Variants in CCDC110 observed in about 807,000 individuals in gnomAD.
CCDC110 encodes coiled-coil domain-containing protein 110.
A neutral mutation model predicts 77.1 loss-of-function variants in CCDC110; 70 were observed. The observed-to-expected ratio is 0.91, with a 90% confidence interval of 0.75 to 1.11. The LOEUF (loss-of-function observed/expected upper bound fraction) is 1.11. Ranked by LOEUF, CCDC110 falls within the 50% of genes least tolerant of loss-of-function variation. The pLI, the probability that CCDC110 is intolerant of heterozygous loss-of-function variation, is 0.00. For synonymous variants in CCDC110, 295 were observed against 312.5 expected, an observed-to-expected ratio of 0.94 and a Z score of 0.59; for missense variants, 868 against 942.9, an observed-to-expected ratio of 0.92 and a Z score of 1.04.
chr4:185,463,762 C>T (rs2095650568), intron 2 of CCDC110, among the ~76,000 whole-genome samples: 1 of 152,142 alleles, frequency 6.6e-6, no homozygotes, highest in Non-Finnish European at 1.5e-5. Flanking sequence ...CTACTCTGTC[C>T]CCTGCTAGAT....
intron 6 of CCDC110, among the ~76,000 whole-genome samples, chr4:185,455,489 T>G (rs1207292663): frequency 5.3e-5 from 8 of 152,196 alleles, no homozygotes; most frequent in Non-Finnish European, 1.0e-4. Flanking sequence ...TCAGAGACTT[T>G]AGAACAAGGA....
intron 1 of CCDC110, 39 bp downstream of exon 1, chr4:185,471,635 C>A: frequency 6.4e-7 from 1 of 1,552,054 alleles, no homozygotes; most frequent in East Asian, 2.6e-5. Flanking sequence ...CCTCCGTTCC[C>A]GCGGCTCCCC....
intron 6 of CCDC110, among the ~76,000 whole-genome samples, chr4:185,451,507 C>T (rs1462756401): frequency 6.6e-6 from 1 of 152,140 alleles, no homozygotes; most frequent in Non-Finnish European, 1.5e-5. Flanking sequence ...ATGCCTGCTT[C>T]ATAACTAACA....
rs1222829345 is a variant in CCDC110 at position 185,458,273 on chromosome 4, A to T, written c.2314T>A (p.Leu772Ile). ...FEMRHLQREY[L>I]SLSDKICNQH... ...TTACAAATTTTATCACTTAAACTTA[A>T]ATATTCTCGTTGAAGATGCCGCATC... Residue 772 changes from leucine to isoleucine, a missense_variant, in exon 6 of 7, where the codon TTA becomes ATA. Physicochemically the swap from Leu to Ile is conservative, Grantham distance 5 (BLOSUM62 2). Coordinates refer to ENST00000307588, the MANE Select transcript of CCDC110 (RefSeq NM_152775.4). The T allele has an allele frequency of 6.3e-7, 1 of 1,599,738 alleles. No individual in the cohort carries two copies. Among genetic ancestry groups the T allele is most frequent in the Non-Finnish European group, 8.5e-7 (1 of 1,176,436 alleles).
Position 185,463,290 on chromosome 4 carries a change from C to T in CCDC110, c.116-241G>A, listed in dbSNP as rs73012184. ...AGTACACCGTTAATTTGCAACACCA[C>T]ACTTAGAACTCTCAAAAACTCAAAT... On this transcript the variant is annotated intron_variant, in intron 2 of 6. Coordinates refer to ENST00000307588, the MANE Select transcript of CCDC110 (RefSeq NM_152775.4). Among the ~76,000 whole-genome samples, 199 of 152,290 alleles carry T rather than the reference C, an allele frequency of 1.3e-3. 1 individual carries two copies. The highest frequency in any genetic ancestry group is 4.7e-3 in the African/African-American group (196 of 41,564).
At position 185,460,859 on chromosome 4, in the gene CCDC110, A is replaced by G. The variant is rs898520207; in HGVS notation, c.348+190T>C. ...TGTCCCTCACAGACTCTTAAGAGAA[A>G]TGGGAAAACTGCAAAAGTACAGAGG... is the stretch of plus-strand genomic sequence containing the variant. On this transcript the variant is annotated intron_variant, in intron 5 of 6. Transcript: ENST00000307588. 7 of 525,018 alleles carry G rather than the reference A, an allele frequency of 1.3e-5. No individual in the cohort carries two copies. The Admixed American group carries it at 1.9e-4, about 14-fold the overall frequency. The allele number at this position is 525,018 out of a possible 1,614,324, so 32.5% of individuals were successfully genotyped here.
At chr4:185,455,077 TG>T (rs1313281662) in intron 6 of CCDC110, among the ~76,000 whole-genome samples, 1 of 152,210 alleles carries the variant, frequency 6.6e-6, no homozygotes, top group Non-Finnish European at 1.5e-5. Context: ...ATTCCAGGCA[TG>T]GTTCTGGACA....
At chr4:185,446,257 G>A (rs2095610902) in intron 6 of CCDC110, among the ~76,000 whole-genome samples, 1 of 152,142 alleles carries the variant, frequency 6.6e-6, no homozygotes, top group African/African-American at 2.4e-5. Flanking sequence ...AAATACCAGT[G>A]CTATGTGTTA....
intron 2 of CCDC110, chr4:185,470,548 AGT>A: frequency 7.4e-6 from 3 of 405,536 alleles, no homozygotes; most frequent in South Asian, 5.4e-5. Context: ...ATATCGTTTT[AGT>A]GTGTGTCCAA....
intron 6 of CCDC110, among the ~76,000 whole-genome samples, chr4:185,452,000 G>A (rs2095629911): frequency 6.6e-6 from 1 of 152,174 alleles, no homozygotes; most frequent in South Asian, 2.1e-4. Flanking sequence ...AACCAGTAAT[G>A]GGAATAGTGA....
In CCDC110 at chr4:185,459,169, A is replaced by G. The variant is rs768400029; in HGVS notation, c.1418T>C (p.Val473Ala). Residue 473 changes from valine (V) to alanine (A), a missense_variant, in exon 6 of 7, where the codon GTT becomes GCT. Physicochemically the swap from Val to Ala is moderately conservative, Grantham distance 64. Transcript: ENST00000307588. ...CTTAAGTTGCTTTTCATATGTTTCAACTTTCTGTATGAGAGATTGTGTGGT... is the reference window on the plus strand; with the variant it reads ...CTTAAGTTGCTTTTCATATGTTTCAGCTTTCTGTATGAGAGATTGTGTGGT... Reference protein sequence around the residue: ...IFTTQSLIQKVETYEKQLKNL... With the variant: ...IFTTQSLIQKAETYEKQLKNL... The G allele has an allele frequency of 4.4e-6, 7 of 1,600,384 alleles. 1 individual carries two copies. In the South Asian group the frequency reaches 4.6e-5, roughly 10 times the overall value.
At chr4:185,471,522 G>GC (rs1221826616) in intron 1 of CCDC110, 152 bp downstream of exon 1, 1 of 866,492 alleles carries the variant, frequency 1.2e-6, no homozygotes, top group Admixed American at 2.5e-5. Context: ...CGGGTGCTCA[G>GC]CCCTAGGGCC....
intron 2 of CCDC110, chr4:185,470,526 A>AG: frequency 1.1e-5 from 4 of 366,708 alleles, no homozygotes; most frequent in South Asian, 7.9e-5. Flanking sequence ...CCAGATACCG[A>AG]GGGCTGACTG....
At chr4:185,451,211 A>G (rs762006570) in intron 6 of CCDC110, among the ~76,000 whole-genome samples, 9 of 147,648 alleles carry the variant, frequency 6.1e-5, no homozygotes, top group East Asian at 4.3e-4. Flanking sequence ...CTGTGAGTCC[A>G]TTAAACCTCT....
At chr4:185,456,043 C>T (rs1162227773) in intron 6 of CCDC110, among the ~76,000 whole-genome samples, 1 of 152,114 alleles carries the variant, frequency 6.6e-6, no homozygotes, top group East Asian at 1.9e-4. Flanking sequence ...ACCTGTCAAC[C>T]ACGTTTACTC....
chr4:185,458,863 T>G lies in CCDC110; in HGVS notation c.1724A>C (p.Lys575Thr). ...NRMSIEMEAM[K>T]TNILLIQDEK... ...ATCTTGTATCAACAGAATATTGGTT[T>G]TCATTGCTTCCATTTCTATACTCAT... The change falls in exon 6 of 7, where the codon AAA (lysine) becomes ACA (threonine). Residue 575 changes from lysine (K) to threonine (T), a missense_variant. Transcript: ENST00000307588. 1 of 1,605,210 alleles carries G rather than the reference T, an allele frequency of 6.2e-7. No individual in the cohort carries two copies. Among genetic ancestry groups the G allele is most frequent in the Non-Finnish European group, 8.5e-7 (1 of 1,178,072 alleles).
At position 185,470,968 on chromosome 4, in the gene CCDC110, T is replaced by C; in HGVS notation, c.92A>G (p.Lys31Arg). ...SKILNSSEGVKESGCSDTEYG... is the reference protein window; with the variant it reads ...SKILNSSEGVRESGCSDTEYG... ...ACCTGTGTCACTGCAGCCACTTTCC[T>C]TCACCCCCTCCGAAGAATTTAGGAT... The change falls in exon 2 of 7, where the codon AAG becomes AGG. Residue 31 changes from lysine to arginine, a missense_variant. By Grantham distance (26) the Lys-to-Arg change is conservative. Transcript: ENST00000307588. 15 of 1,610,934 alleles carry C rather than the reference T, an allele frequency of 9.3e-6. No individual in the cohort carries two copies. The highest frequency in any genetic ancestry group is 1.3e-5 in the Non-Finnish European group (15 of 1,179,146).
chr4:185,449,784 C>T (rs966546431), intron 6 of CCDC110: 11 of 527,426 alleles, frequency 2.1e-5, no homozygotes, highest in Non-Finnish European at 3.7e-5. Flanking sequence ...AATTCTCTTC[C>T]TTATTTTAAT....
In CCDC110 at chr4:185,461,162, T is replaced by G. The variant is rs1419962478; in HGVS notation, c.238-3A>C. Reference sequence around the variant, plus strand: ...ATTTCACTGATTTCCGACTGTACCTTTAAAAGATAAATTGAGAAAAATTTG... The same window carrying G: ...ATTTCACTGATTTCCGACTGTACCTGTAAAAGATAAATTGAGAAAAATTTG... On this transcript the variant is annotated splice_region_variant and splice_polypyrimidine_tract_variant and intron_variant, in intron 4 of 6. Transcript: ENST00000307588. 2 of 1,447,700 alleles carry G rather than the reference T, an allele frequency of 1.4e-6. No homozygotes were observed. Among genetic ancestry groups the G allele is most frequent in the East Asian group, 2.3e-5 (1 of 43,928 alleles). The allele number at this position is 1,447,700 out of a possible 1,614,324, so 89.7% of individuals were successfully genotyped here. A position where few individuals can be genotyped will look rare whatever the true frequency, so the allele number is the denominator to read the frequency against.
Sources: gnomAD v4.1 joint callset for allele counts (sites outside exome capture counted in the v4.1 genomes callset) on GRCh38, gnomAD v4.1.1 for gene constraint, MANE v1.5 for transcripts, NCBI Gene and HGNC (gene_info 2026-07-23, HGNC 2026-07-21) for gene names.